SYN3: variants seen among roughly 807,000 people sequenced by gnomAD.
SYN3 encodes synapsin III, also known as synapsin-3.
Under a neutral mutation model 65.8 loss-of-function variants are expected in SYN3, and 35 were observed. The ratio of observed to expected loss-of-function variants is 0.53; its 90% CI spans 0.41 to 0.70. SYN3 has a LOEUF of 0.70. Ranked by LOEUF, SYN3 falls within the 30% of genes least tolerant of loss-of-function variation. The pLI, the probability that SYN3 is intolerant of heterozygous loss-of-function variation, is 0.00. For missense variants in SYN3, 680 were observed against 749.0 expected (o/e 0.91, Z 1.08); for synonymous variants, 270 against 292.9 (o/e 0.92, Z 0.80).
intron 6 of SYN3, among the ~76,000 whole-genome samples, chr22:32,628,036 G>A (rs959785033): frequency 3.9e-5 from 6 of 152,076 alleles, no homozygotes; most frequent in Non-Finnish European, 8.8e-5. Context: ...CACCGTGTTA[G>A]CTAGGATGGT....
intron 3 of SYN3, among the ~76,000 whole-genome samples, chr22:32,938,136 T>C (rs1385600399): frequency 6.6e-6 from 1 of 152,060 alleles, no homozygotes; most frequent in Non-Finnish European, 1.5e-5. Context: ...AAAATACATT[T>C]TATATAAAGA....
chr22:32,605,065 C>T (rs538544888), intron 6 of SYN3, among the ~76,000 whole-genome samples: 1 of 151,032 alleles, frequency 6.6e-6, no homozygotes, highest in East Asian at 1.9e-4. Context: ...GTCTGTTTCT[C>T]CACTCCCCAT....
chr22:33,044,040 A>T (rs1480177573), intron 1 of SYN3, among the ~76,000 whole-genome samples: 1 of 151,680 alleles, frequency 6.6e-6, no homozygotes, highest in Non-Finnish European at 1.5e-5. Flanking sequence ...TGACAGAGTG[A>T]GACTCTGTCT....
chr22:32,606,837 T>C (rs2059379060), intron 6 of SYN3, among the ~76,000 whole-genome samples: 1 of 151,490 alleles, frequency 6.6e-6, no homozygotes, highest in Admixed American at 6.6e-5. Context: ...AAATAAGTAT[T>C]TATTTAAAAA....
chr22:32,751,288 T>G (rs988522802), intron 6 of SYN3, among the ~76,000 whole-genome samples: 22 of 152,282 alleles, frequency 1.4e-4, no homozygotes, highest in African/African-American at 5.1e-4. Flanking sequence ...GCAGGCGCAA[T>G]TGCAGTGCAG....
chr22:33,041,050 G>T (rs1214949437), intron 1 of SYN3, among the ~76,000 whole-genome samples: 1 of 151,694 alleles, frequency 6.6e-6, no homozygotes, highest in African/African-American at 2.4e-5. Context: ...GAGTAGCTGG[G>T]ATTACAGGCA....
At chr22:32,909,430 G>A (rs1055599641) in intron 4 of SYN3, among the ~76,000 whole-genome samples, 1 of 152,160 alleles carries the variant, frequency 6.6e-6, no homozygotes, top group African/African-American at 2.4e-5. Flanking sequence ...CCAGCACACC[G>A]TAGGCCTCAG....
At chr22:32,604,873 GC>G (rs2059347416) in intron 6 of SYN3, among the ~76,000 whole-genome samples, 1 of 151,890 alleles carries the variant, frequency 6.6e-6, no homozygotes, top group Admixed American at 6.6e-5. Flanking sequence ...GGGCGTGGTG[GC>G]GGGTGCCTGT....
intron 1 of SYN3, among the ~76,000 whole-genome samples, chr22:33,034,797 GA>G (rs1188706363): frequency 6.6e-6 from 1 of 152,202 alleles, no homozygotes; most frequent in Non-Finnish European, 1.5e-5. Context: ...CACCAGGGAA[GA>G]GGCAAATCTT....
intron 6 of SYN3, among the ~76,000 whole-genome samples, chr22:32,763,138 ATTT>A (rs869203092): frequency 1.2e-5 from 1 of 84,986 alleles, no homozygotes; most frequent in Non-Finnish European, 2.2e-5. Flanking sequence ...AAAGTGATCT[ATTT>A]TTTGTTGTTG....
At chr22:33,008,942 A>T (rs2053271350) in intron 1 of SYN3, among the ~76,000 whole-genome samples, 2 of 81,728 alleles carry the variant, frequency 2.4e-5, no homozygotes, top group African/African-American at 1.1e-4. Context: ...AAAAAAAAAA[A>T]AAAAAAAAAA....
intron 6 of SYN3, among the ~76,000 whole-genome samples, chr22:32,834,985 C>T (rs974898752): frequency 6.6e-6 from 1 of 152,214 alleles, no homozygotes; most frequent in Non-Finnish European, 1.5e-5. Context: ...CAGTCCTCAG[C>T]CATGTGACCT....
chr22:32,907,998 T>A (rs1328337989), intron 4 of SYN3, among the ~76,000 whole-genome samples: 4 of 152,180 alleles, frequency 2.6e-5, no homozygotes, highest in African/African-American at 9.7e-5. Context: ...CACACAGAAG[T>A]TTTATAATTT....
intron 1 of SYN3, among the ~76,000 whole-genome samples, chr22:33,021,751 G>C (rs1222951642): frequency 6.7e-6 from 1 of 149,970 alleles, no homozygotes; most frequent in Non-Finnish European, 1.5e-5. Context: ...TCCATAGCAT[G>C]CACCATCTTC....
chr22:32,868,452 T>A (rs1357171106), intron 5 of SYN3, among the ~76,000 whole-genome samples: 1 of 151,718 alleles, frequency 6.6e-6, no homozygotes, highest in East Asian at 1.9e-4. Flanking sequence ...TACAAAACTT[T>A]TTTTCGAGAC....
intron 1 of SYN3, among the ~76,000 whole-genome samples, chr22:33,050,784 A>T (rs2054152668): frequency 6.6e-6 from 1 of 152,156 alleles, no homozygotes; most frequent in Non-Finnish European, 1.5e-5. Flanking sequence ...CAGCCCTGCC[A>T]CTGAGCAAGT....
intron 4 of SYN3, among the ~76,000 whole-genome samples, chr22:32,890,810 G>T (rs137514): frequency 0.87 from 131,465 of 151,860 alleles, 57,603 homozygotes; most frequent in East Asian, 0.96. Context: ...TATATATATA[G>T]AGAGAGAGAG....
At chr22:32,752,935 G>A (rs2045175778) in intron 6 of SYN3, among the ~76,000 whole-genome samples, 1 of 152,062 alleles carries the variant, frequency 6.6e-6, no homozygotes, top group African/African-American at 2.4e-5. Context: ...TGCAGCAAAG[G>A]GAAAACCGAG....
intron 6 of SYN3, among the ~76,000 whole-genome samples, chr22:32,844,779 T>C (rs992185591): frequency 2.0e-5 from 3 of 151,944 alleles, no homozygotes; most frequent in Admixed American, 1.3e-4. Context: ...GCATGAGATA[T>C]AGCTCACTGT....
Sources: gnomAD v4.1 joint callset for allele counts (sites outside exome capture counted in the v4.1 genomes callset) on GRCh38, gnomAD v4.1.1 for gene constraint, MANE v1.5 for transcripts, NCBI Gene and HGNC (gene_info 2026-07-23, HGNC 2026-07-21) for gene names.